ADGRL2: variants seen among roughly 807,000 people sequenced by gnomAD.
ADGRL2 encodes adhesion G protein-coupled receptor L2.
Under a neutral mutation model 157.4 loss-of-function variants are expected in ADGRL2, and 44 were observed. That is an observed-to-expected ratio of 0.28 (90% CI 0.22 to 0.36). The LOEUF (loss-of-function observed/expected upper bound fraction) is 0.36, where lower values mean the gene tolerates loss of function less well. ADGRL2 is among the 10% of genes least tolerant of loss of function. The pLI is 1.00. For synonymous variants in ADGRL2, 585 were observed against 624.7 expected (o/e 0.94, Z 0.95); for missense variants, 1,510 against 1,768.9 (o/e 0.85, Z 2.63).
intron 3 of ADGRL2, among the ~76,000 whole-genome samples, chr1:81,581,315 C>G (rs1458541114): frequency 6.6e-6 from 1 of 152,122 alleles, no homozygotes; most frequent in African/African-American, 2.4e-5. Context: ...TTTCATCCTT[C>G]AAATCAAAAA....
Position 81,409,618 on chromosome 1 carries a change from C to T in ADGRL2, c.-301-35418C>T, listed in dbSNP as rs534857745. ...ACTGTATTGAAAACAATTACTGTTA[C>T]TGATCATTTTCTTGCTTTAAATAAA... is the stretch of plus-strand genomic sequence containing the variant. On this transcript the variant is annotated intron_variant, in intron 1 of 24. Transcript: ENST00000370721. 3.3e-5 allele frequency among the ~76,000 whole-genome samples: 5 copies of T among 152,172 alleles called. No homozygotes were observed. The South Asian group carries it at 8.3e-4, about 25-fold the overall frequency.
intron 2 of ADGRL2, among the ~76,000 whole-genome samples, chr1:81,896,035 G>A (rs2094381197): frequency 6.6e-6 from 1 of 151,982 alleles, no homozygotes; most frequent in African/African-American, 2.4e-5. Context: ...GATGGAGGTG[G>A]GAGTGAATTA....
In ADGRL2 at chr1:81,985,256, T is replaced by C. The variant is rs1662820378; in HGVS notation, c.3412-3T>C. 1 of 1,532,658 alleles carries C rather than the reference T, an allele frequency of 6.5e-7. No individual in the cohort carries two copies. The highest frequency in any genetic ancestry group is 9.0e-7 in the Non-Finnish European group (1 of 1,111,606). The allele number at this position is 1,532,658 out of a possible 1,614,324, so 94.9% of individuals were successfully genotyped here. ...TATTTGTCTTGCTGTTTTGTATTAA[T>C]AGAGTCGTATAAGAAGAATGTGGAA... On this transcript the variant is annotated splice_polypyrimidine_tract_variant and splice_region_variant and intron_variant, in intron 20 of 23. Coordinates refer to ENST00000686636, the MANE Select transcript of ADGRL2 (RefSeq NM_001366006.2).
At chr1:81,594,888 T>A (rs1055493954) in intron 3 of ADGRL2, among the ~76,000 whole-genome samples, 2 of 152,222 alleles carry the variant, frequency 1.3e-5, no homozygotes, top group Admixed American at 1.3e-4. Context: ...AAGAATATAA[T>A]AGAATAAGTC....
At chr1:81,636,173 A>T (rs2082111210) in intron 3 of ADGRL2, among the ~76,000 whole-genome samples, 1 of 152,142 alleles carries the variant, frequency 6.6e-6, no homozygotes, top group African/African-American at 2.4e-5. Flanking sequence ...GTGTTACATC[A>T]GAGAGTCTGT....
At chr1:81,666,210 C>T (rs191103450) in intron 3 of ADGRL2, among the ~76,000 whole-genome samples, 2 of 152,256 alleles carry the variant, frequency 1.3e-5, no homozygotes, top group South Asian at 2.1e-4. Context: ...AGAACAACTC[C>T]GTGTGGCCCA....
intron 3 of ADGRL2, among the ~76,000 whole-genome samples, chr1:81,923,767 T>A (rs1042393548): frequency 6.6e-6 from 1 of 152,058 alleles, no homozygotes; most frequent in African/African-American, 2.4e-5. Context: ...GGCATTGAGA[T>A]AGATTGAAAA....
At chr1:81,670,884 A>AT (rs1281770891) in intron 3 of ADGRL2, among the ~76,000 whole-genome samples, 1 of 151,950 alleles carries the variant, frequency 6.6e-6, no homozygotes, top group Non-Finnish European at 1.5e-5. Context: ...TAATTTTTGT[A>AT]TTTTTTGTGG....
chr1:81,851,020 A>T (rs1314228783), intron 2 of ADGRL2, among the ~76,000 whole-genome samples: 1 of 151,872 alleles, frequency 6.6e-6, no homozygotes, highest in Admixed American at 6.6e-5. Flanking sequence ...TAGGGCAGGG[A>T]TTTCACTAAT....
At position 81,942,124 on chromosome 1, in the gene ADGRL2, C is replaced by T. The variant is rs117153972; in HGVS notation, c.409+79C>T. 8.9e-4 allele frequency: 544 copies of T among 613,968 alleles called. 4 individuals are homozygous for T. In the East Asian group the frequency reaches 0.013, roughly 14 times the overall value. 38.0% of individuals were successfully genotyped at this position (613,968 alleles called of 1,614,324 possible). A position where few individuals can be genotyped will look rare whatever the true frequency, so the allele number is the denominator to read the frequency against. ...TAACCTCCTCCCTCCCCTCTCCCCA[C>T]AACACTCCTGTATTAAAATAATCAG... is the stretch of plus-strand genomic sequence containing the variant. On this transcript the variant is annotated intron_variant, in intron 5 of 23. Transcript: ENST00000686636.
At chr1:81,386,246 A>G (rs933327748) in intron 1 of ADGRL2, among the ~76,000 whole-genome samples, 1 of 152,142 alleles carries the variant, frequency 6.6e-6, no homozygotes, top group Non-Finnish European at 1.5e-5. Flanking sequence ...TTTATAAAGG[A>G]CCTAATAGAA....
At chr1:81,812,552 C>G (rs2149688438) in intron 1 of ADGRL2, among the ~76,000 whole-genome samples, 1 of 151,670 alleles carries the variant, frequency 6.6e-6, no homozygotes, top group South Asian at 2.1e-4. Context: ...TTATGATTGT[C>G]TAAAGCTCAG....
chr1:81,699,221 A>G (rs532234798), upstream of ADGRL2, among the ~76,000 whole-genome samples: 1 of 152,360 alleles, frequency 6.6e-6, no homozygotes, highest in African/African-American at 2.4e-5. Context: ...AAATAAAGCT[A>G]TATTTTTAAG....
chr1:81,752,631 C>T lies in ADGRL2; in HGVS notation c.-142-9180C>T, dbSNP rs576620452. The stretch of plus-strand genomic sequence containing the variant: ...TCAACATTCCTGGTCTCAGGTGATC[C>T]TGCCACCTTAGCCTCCTGAGTAGCT... On this transcript the variant is annotated intron_variant, in intron 1 of 20. Transcript: ENST00000359929. 2.6e-5 allele frequency among the ~76,000 whole-genome samples: 4 copies of T among 152,242 alleles called. No individual in the cohort carries two copies. In the East Asian group the frequency reaches 5.8e-4, roughly 22 times the overall value.
At chr1:81,856,694 G>A (rs890480172) in intron 2 of ADGRL2, among the ~76,000 whole-genome samples, 30 of 152,004 alleles carry the variant, frequency 2.0e-4, no homozygotes, top group Non-Finnish European at 2.8e-4. Flanking sequence ...TGGATTTGAT[G>A]GCTAATTTGT....
At chr1:81,821,991 C>A (rs548134509) in intron 1 of ADGRL2, among the ~76,000 whole-genome samples, 5 of 147,992 alleles carry the variant, frequency 3.4e-5, no homozygotes, top group African/African-American at 1.2e-4. Context: ...AAAGAAATAA[C>A]CTGCAATGCT....
At chr1:81,591,380 G>A (rs1021634028) in intron 3 of ADGRL2, among the ~76,000 whole-genome samples, 7 of 152,202 alleles carry the variant, frequency 4.6e-5, no homozygotes, top group African/African-American at 1.7e-4. Context: ...CTCCTTTAAA[G>A]TTCTTCCACT....
At chr1:81,885,404 T>C (rs2094104942) in intron 2 of ADGRL2, among the ~76,000 whole-genome samples, 1 of 152,172 alleles carries the variant, frequency 6.6e-6, no homozygotes, top group Non-Finnish European at 1.5e-5. Context: ...AATTCATTAG[T>C]AAAAACTTCC....
At chr1:81,530,589 T>C (rs191524243) in intron 2 of ADGRL2, among the ~76,000 whole-genome samples, 163 of 152,102 alleles carry the variant, frequency 1.1e-3, no homozygotes, top group Middle Eastern at 6.8e-3. Flanking sequence ...GTTCAAGTGG[T>C]CCGACTGCCT....
Sources: allele counts gnomAD v4.1 joint callset (sites outside exome capture counted in the v4.1 genomes callset), GRCh38; gene constraint gnomAD v4.1.1; transcripts MANE v1.5; gene names NCBI Gene and HGNC (gene_info 2026-07-23, HGNC 2026-07-21).